The following STXBP5L variants were observed in gnomAD, a reference collection of about 807,000 sequenced individuals.
The protein encoded by STXBP5L is syntaxin binding protein 5L.
STXBP5L carries 65 observed loss-of-function variants against 144.5 expected under a neutral mutation model. The observed-to-expected ratio is 0.45, with a 90% confidence interval of 0.37 to 0.55. STXBP5L has a LOEUF of 0.55. Among genes scored for constraint, STXBP5L ranks in the 20% least tolerant of loss-of-function variants. The pLI, the probability that STXBP5L is intolerant of heterozygous loss-of-function variation, is 0.00. For missense variants in STXBP5L, 1,298 were observed against 1,405.5 expected (o/e 0.92, Z 1.22); for synonymous variants, 505 against 469.6 (o/e 1.08, Z -0.97).
chr3:120,973,143 A>G (rs1383810298), intron 3 of STXBP5L, among the ~76,000 whole-genome samples: 2 of 152,092 alleles, frequency 1.3e-5, no homozygotes, highest in Non-Finnish European at 2.9e-5. Flanking sequence ...TAGTAGAACC[A>G]CCATAAGTTC....
intron 3 of STXBP5L, among the ~76,000 whole-genome samples, chr3:121,017,312 C>T (rs1003286876): frequency 2.0e-5 from 3 of 152,136 alleles, no homozygotes; most frequent in Non-Finnish European, 4.4e-5. Context: ...AGAACATCTA[C>T]CAAGAACCTA....
Position 121,225,806 on chromosome 3 carries a change from T to A in STXBP5L, c.1111+2649T>A, listed in dbSNP as rs573725202. On this transcript the variant is annotated intron_variant, in intron 11 of 26. Coordinates refer to ENST00000471454, the MANE Select transcript of STXBP5L (RefSeq NM_001308330.2). Reference sequence around the variant, plus strand: ...GTGGTAAGCACAATGGAGATGTTGATAAATAGGCCAAATTATACAAATGTT... The same window carrying A: ...GTGGTAAGCACAATGGAGATGTTGAAAAATAGGCCAAATTATACAAATGTT... 2.0e-5 allele frequency among the ~76,000 whole-genome samples: 3 copies of A among 152,308 alleles called. No individual in the cohort carries two copies. In the South Asian group the frequency reaches 6.2e-4, roughly 32 times the overall value.
chr3:120,987,507 T>C (rs562719606), intron 3 of STXBP5L, among the ~76,000 whole-genome samples: 12 of 152,014 alleles, frequency 7.9e-5, no homozygotes, highest in African/African-American at 2.9e-4. Flanking sequence ...TTATATATTC[T>C]AGAGACTAGT....
intron 18 of STXBP5L, among the ~76,000 whole-genome samples, chr3:121,264,625 A>G (rs2050494995): frequency 6.6e-6 from 1 of 152,158 alleles, no homozygotes; most frequent in Non-Finnish European, 1.5e-5. Context: ...TACACATAAC[A>G]ATATTAACCT....
At chr3:121,144,546 A>G (rs1159152935) in intron 7 of STXBP5L, among the ~76,000 whole-genome samples, 1 of 151,964 alleles carries the variant, frequency 6.6e-6, no homozygotes, top group African/African-American at 2.4e-5. Context: ...ACCACTATGG[A>G]AAGCAGTGTG....
At chr3:121,255,302 A>C (rs903233185) in intron 16 of STXBP5L, among the ~76,000 whole-genome samples, 190 bp downstream of exon 16, 1 of 152,102 alleles carries the variant, frequency 6.6e-6, no homozygotes, top group East Asian at 1.9e-4. Flanking sequence ...CTAAAAGGCC[A>C]AAACAATTCT....
At chr3:121,018,234 G>A (rs1017704428) in intron 3 of STXBP5L, among the ~76,000 whole-genome samples, 2 of 152,172 alleles carry the variant, frequency 1.3e-5, no homozygotes, top group Non-Finnish European at 2.9e-5. Flanking sequence ...ATTCCAAAGT[G>A]TATATGGAAT....
chr3:121,025,467 G>A (rs1246702275), intron 3 of STXBP5L, among the ~76,000 whole-genome samples: 1 of 152,048 alleles, frequency 6.6e-6, no homozygotes, highest in Non-Finnish European at 1.5e-5. Context: ...TCAGATCTGA[G>A]CCTGAGTTCT....
At chr3:121,284,068 G>A (rs2051152352) in intron 19 of STXBP5L, among the ~76,000 whole-genome samples, 1 of 152,022 alleles carries the variant, frequency 6.6e-6, no homozygotes, top group African/African-American at 2.4e-5. Context: ...GTCAGGAGCA[G>A]AAGCGGGCTC....
intron 19 of STXBP5L, among the ~76,000 whole-genome samples, chr3:121,287,503 T>C (rs969701563): frequency 6.6e-6 from 1 of 152,170 alleles, no homozygotes; most frequent in Non-Finnish European, 1.5e-5. Context: ...TAAGAAGTAC[T>C]TAGCCATAAA....
At chr3:121,045,214 A>C (rs1248812172) in intron 4 of STXBP5L, among the ~76,000 whole-genome samples, 2 of 152,116 alleles carry the variant, frequency 1.3e-5, no homozygotes, top group Non-Finnish European at 2.9e-5. Context: ...TCCTTAAGCT[A>C]GTCTCCCTGA....
At chr3:121,184,862 A>G (rs1030930600) in intron 9 of STXBP5L, among the ~76,000 whole-genome samples, 1 of 152,194 alleles carries the variant, frequency 6.6e-6, no homozygotes, top group South Asian at 2.1e-4. Context: ...CTAACAGCAG[A>G]TCTCTCAGCA....
At chr3:121,375,008 AG>A (rs2046141919) in intron 20 of STXBP5L, among the ~76,000 whole-genome samples, 1 of 66,376 alleles carries the variant, frequency 1.5e-5, no homozygotes, top group South Asian at 5.1e-4. Flanking sequence ...TTGAAGACTC[AG>A]AAGGGTGGGA....
intron 3 of STXBP5L, among the ~76,000 whole-genome samples, chr3:121,003,806 G>A (rs941885374): frequency 6.6e-6 from 1 of 152,142 alleles, no homozygotes; most frequent in Non-Finnish European, 1.5e-5. Flanking sequence ...TTATTAAATA[G>A]GGAATCCTTT....
At chr3:120,996,281 G>A (rs1411362937) in intron 3 of STXBP5L, among the ~76,000 whole-genome samples, 11 of 151,790 alleles carry the variant, frequency 7.2e-5, no homozygotes, top group African/African-American at 2.7e-4. Flanking sequence ...GAATCTATAA[G>A]TTTACATTTT....
intron 3 of STXBP5L, among the ~76,000 whole-genome samples, chr3:120,990,686 A>G (rs1029209846): frequency 1.3e-5 from 2 of 152,208 alleles, no homozygotes; most frequent in Non-Finnish European, 2.9e-5. Context: ...GATATTTACA[A>G]CTATCTGATC....
intron 9 of STXBP5L, among the ~76,000 whole-genome samples, chr3:121,173,177 TAG>T (rs1397743602): frequency 1.3e-5 from 2 of 151,626 alleles, no homozygotes; most frequent in Admixed American, 6.6e-5. Flanking sequence ...TGGGGCCTGT[TAG>T]GGGATGGGGG....
intron 7 of STXBP5L, 44 bp downstream of exon 7, chr3:121,121,748 T>A: frequency 6.9e-7 from 1 of 1,445,128 alleles, no homozygotes; most frequent in Non-Finnish European, 9.6e-7. Flanking sequence ...TTTTCCTCAT[T>A]CTTGAAAAAA....
intron 3 of STXBP5L, among the ~76,000 whole-genome samples, chr3:120,985,953 T>G (rs955914940): frequency 1.3e-5 from 2 of 152,020 alleles, no homozygotes; most frequent in Admixed American, 6.6e-5. Flanking sequence ...TTTGTTCTGA[T>G]GGCTGTGTGT....
Sources: allele counts gnomAD v4.1 joint callset (sites outside exome capture counted in the v4.1 genomes callset), GRCh38; gene constraint gnomAD v4.1.1; transcripts MANE v1.5; gene names NCBI Gene and HGNC (gene_info 2026-07-23, HGNC 2026-07-21).